Variants in ORC3 observed in about 807,000 individuals in gnomAD.
The protein encoded by ORC3 is homolog of latheo, Drosophila.
Under a neutral mutation model 100.7 loss-of-function variants are expected in ORC3, and 78 were observed. That is an observed-to-expected ratio of 0.77 (90% CI 0.65 to 0.94). ORC3 has a LOEUF of 0.94. Ranked by LOEUF, ORC3 falls within the 40% of genes least tolerant of loss-of-function variation. The pLI is 0.00. For synonymous variants in ORC3, 295 were observed against 289.3 expected (o/e 1.02, Z -0.20); for missense variants, 789 against 823.9 (o/e 0.96, Z 0.52).
At chr6:87,646,759 T>C (rs999751243) in intron 13 of ORC3, among the ~76,000 whole-genome samples, 2 of 152,240 alleles carry the variant, frequency 1.3e-5, no homozygotes, top group Non-Finnish European at 2.9e-5. Flanking sequence ...CATCTTAACA[T>C]TACAGTGCCC....
intron 2 of ORC3, chr6:87,594,677 T>C: frequency 1.9e-6 from 1 of 537,112 alleles, no homozygotes; most frequent in East Asian, 6.1e-5. Flanking sequence ...ATTGTCTTTT[T>C]GATTACTTCT....
rs867590357 is a variant in ORC3 at position 87,636,319 on chromosome 6, T to A, written c.1303-88T>A. ...GAAAATGACTTTTAATAACATTAAT[T>A]TTTTTTGTGTTGACCAGAAATGATT... On this transcript the variant is annotated intron_variant, in intron 12 of 19. Coordinates refer to ENST00000392844, the MANE Select transcript of ORC3 (RefSeq NM_012381.4). 11 of 745,366 alleles carry A rather than the reference T, an allele frequency of 1.5e-5. No homozygotes were observed. In the Middle Eastern group the frequency reaches 9.6e-4, roughly 65 times the overall value. The allele number at this position is 745,366 out of a possible 1,614,324, so 46.2% of individuals were successfully genotyped here.
intron 10 of ORC3, 84 bp from the exon 11 acceptor site, chr6:87,621,865 AG>A: frequency 1.1e-6 from 1 of 885,652 alleles, no homozygotes. Flanking sequence ...CTACCAATCT[AG>A]GTAGTTCTTT....
the ORC3 span, among the ~76,000 whole-genome samples, chr6:87,674,863 C>T: frequency 3.7e-4 from 56 of 151,730 alleles, no homozygotes; most frequent in East Asian, 9.1e-3. Context: ...AAAATGCTTA[C>T]GTTTTAAAAC....
chr6:87,638,380 A>G (rs930306451), intron 13 of ORC3, among the ~76,000 whole-genome samples: 1 of 152,202 alleles, frequency 6.6e-6, no homozygotes, highest in African/African-American at 2.4e-5. Flanking sequence ...CCTGAACTTG[A>G]GACCATTCTC....
Position 87,612,245 on chromosome 6 carries a change from T to C in ORC3, c.870T>C (p.Asp290=). 1 of 1,598,382 alleles carries C rather than the reference T, an allele frequency of 6.3e-7. No homozygotes were observed. The highest frequency in any genetic ancestry group is 1.1e-5 in the South Asian group (1 of 87,348). ...SCKEHLTTVL[D]KLLLTTQFPF... is the part of the protein sequence containing the mutation. The stretch of plus-strand genomic sequence containing the variant: ...AGGAGCACCTGACTACGGTACTCGA[T>C]AAGGTAAAAAGAATAAGTTTTACCA... The change falls in exon 8 of 20, where the codon GAT becomes GAC. Residue 290 remains aspartate (D), a synonymous_variant. Coordinates refer to ENST00000392844, the MANE Select transcript of ORC3 (RefSeq NM_012381.4).
chr6:87,635,669 C>T (rs1053046133), intron 12 of ORC3, among the ~76,000 whole-genome samples: 2 of 151,890 alleles, frequency 1.3e-5, no homozygotes, highest in Admixed American at 6.6e-5. Context: ...TGGTGGCACA[C>T]ACCTGTAGTC....
intron 13 of ORC3, 55 bp downstream of exon 13, chr6:87,636,541 AGT>A (rs1432859780): frequency 9.3e-7 from 1 of 1,074,668 alleles, no homozygotes; most frequent in Non-Finnish European, 1.4e-6. Flanking sequence ...CCTGCCAGTA[AGT>A]AGCACCTTCC....
At chr6:87,597,269 G>C (rs1777517670) in intron 2 of ORC3, among the ~76,000 whole-genome samples, 1 of 152,154 alleles carries the variant, frequency 6.6e-6, no homozygotes, top group Admixed American at 6.5e-5. Context: ...TTTTGGCTGT[G>C]TTTTGACTGC....
intron 16 of ORC3, among the ~76,000 whole-genome samples, chr6:87,662,295 G>A (rs1007281977): frequency 6.6e-6 from 1 of 151,970 alleles, no homozygotes; most frequent in Non-Finnish European, 1.5e-5. Flanking sequence ...CGTGTTGGTG[G>A]GCACCTGTAA....
At chr6:87,652,590 A>G (rs1268188501) in intron 13 of ORC3, among the ~76,000 whole-genome samples, 1 of 152,190 alleles carries the variant, frequency 6.6e-6, no homozygotes, top group East Asian at 1.9e-4. Flanking sequence ...TGAGTGTACT[A>G]TTTTGGTTCT....
rs1778822920 is a variant in ORC3 at position 87,612,195 on chromosome 6, G to A, written c.820G>A (p.Glu274Lys). The A allele has an allele frequency of 4.3e-6, 7 of 1,612,784 alleles. No homozygotes were observed. The highest frequency in any genetic ancestry group is 2.7e-5 in the African/African-American group (2 of 74,990). Residue 274 changes from glutamate (E) to lysine (K), a missense_variant, in exon 8 of 20, where the codon GAA (glutamate) becomes AAA (lysine). Glu to Lys is a moderately conservative substitution (Grantham distance 56). Around this residue, in one of 3 missense-constraint regions of ORC3, gnomAD observed 399 missense variants for 382.0 expected, o/e 1.04. Coordinates refer to ENST00000392844, the MANE Select transcript of ORC3 (RefSeq NM_012381.4). ...PHAVSSLLCI[E>K]LFQSLSCKEH... ...TGCAGTATCATCTCTATTGTGCATA[G>A]AACTGTTCCAATCTTTGTCTTGTAA...
intron 9 of ORC3, among the ~76,000 whole-genome samples, chr6:87,619,482 C>G (rs953573659): frequency 5.3e-5 from 8 of 152,220 alleles, no homozygotes; most frequent in African/African-American, 1.9e-4. Flanking sequence ...TCTGAGCTCA[C>G]TGCAACCTCC....
chr6:87,640,386 T>C (rs1192321179), intron 13 of ORC3, among the ~76,000 whole-genome samples: 1 of 152,244 alleles, frequency 6.6e-6, no homozygotes, highest in Non-Finnish European at 1.5e-5. Flanking sequence ...TTCATGTGTG[T>C]GGGGAGCATG....
At chr6:87,661,141 G>C (rs16879675) in intron 16 of ORC3, among the ~76,000 whole-genome samples, 12,569 of 152,126 alleles carry the variant, frequency 0.083, 548 homozygotes, top group African/African-American at 0.098. Context: ...TTATTACATA[G>C]CAGGGACTGC....
chr6:87,649,873 G>T (rs929552616), intron 13 of ORC3, among the ~76,000 whole-genome samples: 9 of 151,848 alleles, frequency 5.9e-5, no homozygotes, highest in Admixed American at 2.0e-4. Context: ...TTTATTCAGG[G>T]CTTTTTTAAT....
intron 13 of ORC3, among the ~76,000 whole-genome samples, chr6:87,643,255 A>ATATT: frequency 6.6e-6 from 1 of 152,286 alleles, no homozygotes; most frequent in South Asian, 2.1e-4. Flanking sequence ...ATTAGCTGAG[A>ATATT]TATTGATCAT....
intron 13 of ORC3, among the ~76,000 whole-genome samples, chr6:87,652,662 C>T (rs921403875): frequency 1.2e-4 from 18 of 152,148 alleles, no homozygotes; most frequent in East Asian, 1.9e-4. Context: ...TTCATATGTA[C>T]GTTTAGATCA....
At chr6:87,632,252 G>C (rs1227544838) in intron 11 of ORC3, among the ~76,000 whole-genome samples, 1 of 152,226 alleles carries the variant, frequency 6.6e-6, no homozygotes, top group Non-Finnish European at 1.5e-5. Flanking sequence ...GGAAAACTTA[G>C]AGGACATGTT....
Sources: allele counts gnomAD v4.1 joint callset (sites outside exome capture counted in the v4.1 genomes callset), GRCh38; gene constraint gnomAD v4.1.1; regional missense constraint gnomAD v4.1.1; transcripts MANE v1.5; gene names NCBI Gene and HGNC (gene_info 2026-07-23, HGNC 2026-07-21).